The following WWC2 variants were observed in gnomAD, a reference collection of about 807,000 sequenced individuals.
WWC2 encodes WW and C2 domain containing 2.
WWC2 carries 101 observed loss-of-function variants against 138.5 expected under a neutral mutation model. That is an observed-to-expected ratio of 0.73 (90% CI 0.62 to 0.86). WWC2 has a LOEUF of 0.86. WWC2 is among the 40% of genes least tolerant of loss of function. The pLI, the probability that WWC2 is intolerant of heterozygous loss-of-function variation, is 0.00. For missense variants in WWC2, 1,420 were observed against 1,419.4 expected (o/e 1.00, Z -0.01); for synonymous variants, 558 against 538.4 (o/e 1.04, Z -0.50).
At chr4:183,262,609 G>A (rs1362082107) in intron 11 of WWC2, among the ~76,000 whole-genome samples, 1 of 152,226 alleles carries the variant, frequency 6.6e-6, no homozygotes, top group East Asian at 1.9e-4. Context: ...ACATTTGTGT[G>A]GTTTGTGCGC....
intron 2 of WWC2, 82 bp from the exon 3 acceptor site, chr4:183,207,871 A>C: frequency 3.1e-6 from 4 of 1,296,396 alleles, no homozygotes; most frequent in Non-Finnish European, 4.2e-6. Context: ...ACAAGAACTT[A>C]AGCTAGCCTA....
At chr4:183,117,535 A>C (rs1261387979) in intron 1 of WWC2, among the ~76,000 whole-genome samples, 1 of 149,892 alleles carries the variant, frequency 6.7e-6, no homozygotes, top group East Asian at 2.0e-4. Context: ...TCTTTTCTAT[A>C]GTGCTTTTTC....
chr4:183,157,547 C>CT lies in WWC2; in HGVS notation c.132-36051dup, dbSNP rs557347344. 4.4e-4 allele frequency among the ~76,000 whole-genome samples: 67 copies of CT among 152,314 alleles called. No individual in the cohort carries two copies. In the East Asian group the frequency reaches 0.013, roughly 29 times the overall value. Reference sequence around the variant, plus strand: ...ACGGAGTCTCGCACTGTTGCCCAGGCTGGAGTGCAGTGGCGCAATCTCAGC... The same window carrying CT: ...ACGGAGTCTCGCACTGTTGCCCAGGCTTGGAGTGCAGTGGCGCAATCTCAGC... On this transcript the variant is annotated intron_variant, in intron 1 of 22. Coordinates refer to ENST00000403733, the MANE Select transcript of WWC2 (RefSeq NM_024949.6).
chr4:183,164,558 G>T (rs1734082426), intron 1 of WWC2, among the ~76,000 whole-genome samples: 1 of 151,612 alleles, frequency 6.6e-6, no homozygotes, highest in South Asian at 2.1e-4. Context: ...ATAATTTTGG[G>T]AAGCTCTTTA....
intron 1 of WWC2, among the ~76,000 whole-genome samples, chr4:183,141,288 A>G (rs1733292099): frequency 1.3e-5 from 2 of 152,154 alleles, no homozygotes; most frequent in African/African-American, 4.8e-5. Flanking sequence ...GTGTCCCCAC[A>G]TGGCCTTTCT....
Position 183,320,198 on chromosome 4 carries a change from A to G in WWC2, c.*4469A>G, listed in dbSNP as rs1344497313. ...ATGAAACTCCAGCTAGTTGAGCTAC[A>G]GTTCTAAATACTAAAGCCATTATAA... On this transcript the variant is annotated 3_prime_UTR_variant, in exon 23 of 23. Transcript: ENST00000403733. 1 of 1,613,810 alleles carries G rather than the reference A, an allele frequency of 6.2e-7. No individual in the cohort carries two copies. The highest frequency in any genetic ancestry group is 1.7e-5 in the Admixed American group (1 of 59,954).
rs146332278 is a variant in WWC2, at chr4:183,248,671, T to G, written c.733-43T>G. ...CACCTGGTAGGGAAGGTTTGCTGTC[T>G]TACTTGTTAAGCTTTATGAAACACT... On this transcript the variant is annotated intron_variant, in intron 6 of 22. Coordinates refer to ENST00000403733, the MANE Select transcript of WWC2 (RefSeq NM_024949.6). 1.8e-4 allele frequency: 279 copies of G among 1,526,594 alleles called. No individual in the cohort carries two copies. In the African/African-American group the frequency reaches 3.4e-3, roughly 18 times the overall value. 94.6% of individuals were successfully genotyped at this position (1,526,594 alleles called of 1,614,324 possible). A position where few individuals can be genotyped will look rare whatever the true frequency, so the allele number is the denominator to read the frequency against.
intron 1 of WWC2, among the ~76,000 whole-genome samples, chr4:183,167,963 C>T (rs1209083685): frequency 6.7e-6 from 1 of 150,012 alleles, no homozygotes; most frequent in Admixed American, 6.7e-5. Context: ...TCAAGCGATT[C>T]TCCTGCCTCA....
chr4:183,220,801 C>T lies in WWC2; in HGVS notation c.522+11776C>T, dbSNP rs187288503. Reference sequence around the variant, plus strand: ...GTGAGCCAACATCGTGCCACTGCACCCCAGCCTGGGCGACAGAGCGAGACT... The same window carrying T: ...GTGAGCCAACATCGTGCCACTGCACTCCAGCCTGGGCGACAGAGCGAGACT... On this transcript the variant is annotated intron_variant, in intron 4 of 22. Transcript: ENST00000403733. 9.6e-3 allele frequency among the ~76,000 whole-genome samples: 1,456 copies of T among 151,226 alleles called. 8 individuals carry two copies. Among genetic ancestry groups the T allele is most frequent in the Non-Finnish European group, 0.013 (906 of 67,758 alleles).
chr4:183,174,202 C>T (rs1197068107), intron 1 of WWC2, among the ~76,000 whole-genome samples: 2 of 152,188 alleles, frequency 1.3e-5, no homozygotes, highest in East Asian at 1.9e-4. Context: ...TGGAAGTCCA[C>T]GGCCCATCTG....
At chr4:183,159,097 C>G (rs1733886470) in intron 1 of WWC2, among the ~76,000 whole-genome samples, 2 of 152,102 alleles carry the variant, frequency 1.3e-5, no homozygotes, top group Admixed American at 1.3e-4. Context: ...CCATAAAATG[C>G]AAAATTCTCA....
At chr4:183,189,228 A>G (rs1266879028) in intron 1 of WWC2, among the ~76,000 whole-genome samples, 2 of 151,632 alleles carry the variant, frequency 1.3e-5, no homozygotes, top group African/African-American at 4.8e-5. Context: ...TGAGGTCAGG[A>G]GTTTGAGACC....
intron 21 of WWC2, among the ~76,000 whole-genome samples, chr4:183,293,880 A>G (rs1056676713): frequency 2.0e-5 from 3 of 152,184 alleles, no homozygotes; most frequent in Non-Finnish European, 2.9e-5. Context: ...ACCGTACAGT[A>G]TAGAGAAAAT....
At chr4:183,171,836 A>C (rs972688027) in intron 1 of WWC2, among the ~76,000 whole-genome samples, 4 of 152,154 alleles carry the variant, frequency 2.6e-5, no homozygotes, top group African/African-American at 9.7e-5. Context: ...TTGAGAACTG[A>C]CTTCCCGCCC....
At chr4:183,116,749 A>AT (rs2152888910) in intron 1 of WWC2, among the ~76,000 whole-genome samples, 1 of 152,320 alleles carries the variant, frequency 6.6e-6, no homozygotes, top group East Asian at 1.9e-4. Context: ...TGTGTACTGT[A>AT]TTTTGACTCC....
At chr4:183,199,842 G>A (rs1409994678) in intron 2 of WWC2, among the ~76,000 whole-genome samples, 2 of 152,104 alleles carry the variant, frequency 1.3e-5, no homozygotes, top group Admixed American at 6.6e-5. Context: ...ATTATATATT[G>A]CTTCTTTAAT....
At chr4:183,253,636 C>A in intron 8 of WWC2, 121 bp from the exon 9 acceptor site, 1 of 1,215,600 alleles carries the variant, frequency 8.2e-7, no homozygotes, top group Non-Finnish European at 1.1e-6. Context: ...ACACCTCTTT[C>A]TGGTAAGGTC....
chr4:183,157,373 C>T (rs536966812), intron 1 of WWC2, among the ~76,000 whole-genome samples: 9 of 152,312 alleles, frequency 5.9e-5, no homozygotes, highest in African/African-American at 1.2e-4. Context: ...TTCCATTCCC[C>T]GTGATACTAA....
chr4:183,319,443 A>G lies in WWC2; in HGVS notation c.*3714A>G. 8.8e-7 allele frequency: 1 copy of G among 1,132,048 alleles called. No individual in the cohort carries two copies. Among genetic ancestry groups the G allele is most frequent in the Non-Finnish European group, 1.3e-6 (1 of 790,600 alleles). The allele number at this position is 1,132,048 out of a possible 1,614,324, so 70.1% of individuals were successfully genotyped here. On this transcript the variant is annotated 3_prime_UTR_variant, in exon 23 of 23. Coordinates refer to ENST00000403733, the MANE Select transcript of WWC2 (RefSeq NM_024949.6). ...AAACTATAGTTTAATAGCCACAGGAAAAGATGCATTTTCAAAAATCAAAAG... is the reference window on the plus strand; with the variant it reads ...AAACTATAGTTTAATAGCCACAGGAGAAGATGCATTTTCAAAAATCAAAAG...
Sources: gnomAD v4.1 joint callset for allele counts (sites outside exome capture counted in the v4.1 genomes callset) on GRCh38, gnomAD v4.1.1 for gene constraint, MANE v1.5 for transcripts, NCBI Gene and HGNC (gene_info 2026-07-23, HGNC 2026-07-21) for gene names.